HHIPL1: variants seen among roughly 807,000 people sequenced by gnomAD.
The protein encoded by HHIPL1 is HHIP-like protein 1.
HHIPL1 carries 43 observed loss-of-function variants against 61.8 expected under a neutral mutation model. That is an observed-to-expected ratio of 0.70 (90% CI 0.55 to 0.90). The LOEUF (loss-of-function observed/expected upper bound fraction) is 0.90. HHIPL1 is among the 40% of genes least tolerant of loss of function. The pLI is 0.00. For missense variants in HHIPL1, 1,056 were observed against 1,157.7 expected (o/e 0.91, Z 1.28); for synonymous variants, 482 against 515.8 (o/e 0.93, Z 0.89).
In HHIPL1 at chr14:99,659,636, G is replaced by T. The variant is rs771146786; in HGVS notation, c.1255G>T (p.Asp419Tyr). 7.7e-6 allele frequency: 12 copies of T among 1,553,136 alleles called. No homozygotes were observed. In the Admixed American group the frequency reaches 2.3e-4, roughly 29 times the overall value. ...GTGRGRLFCG[D>Y]VGQNKFEEVD... ...TGGCCGCGGGCGCCTCTTCTGCGGC[G>T]ACGTGGGCCAGAACAAGTTCGAGGA... Residue 419 changes from aspartate to tyrosine, a missense_variant, in exon 4 of 9, where the codon GAC (aspartate) becomes TAC (tyrosine). By Grantham distance (160) the Asp-to-Tyr change is radical. Coordinates refer to ENST00000330710, the MANE Select transcript of HHIPL1 (RefSeq NM_001127258.3).
chr14:99,610,653 C>T, the HHIPL1 span, among the ~76,000 whole-genome samples: 2 of 152,056 alleles, frequency 1.3e-5, no homozygotes, highest in African/African-American at 2.4e-5. Context: ...CCTAGCTATT[C>T]AGGAGGCTGA....
At chr14:99,614,344 A>G in the HHIPL1 span, among the ~76,000 whole-genome samples, 1 of 152,008 alleles carries the variant, frequency 6.6e-6, no homozygotes, top group East Asian at 1.9e-4. Flanking sequence ...CTCAGCCCCA[A>G]CACCAGGCCA....
At chr14:99,672,199 T>A in intron 7 of HHIPL1, 118 bp from the exon 8 acceptor site, 1 of 733,536 alleles carries the variant, frequency 1.4e-6, no homozygotes. Context: ...AGTAGGTGCA[T>A]GGTGAATGGC....
chr14:99,648,784 G>T (rs2055880611), intron 1 of HHIPL1, among the ~76,000 whole-genome samples: 1 of 152,188 alleles, frequency 6.6e-6, no homozygotes, highest in Non-Finnish European at 1.5e-5. Context: ...GCCAGATGAG[G>T]AAGTAGGTGA....
the HHIPL1 span, among the ~76,000 whole-genome samples, chr14:99,628,919 G>A: frequency 7.2e-5 from 11 of 152,212 alleles, no homozygotes; most frequent in Admixed American, 1.3e-4. Flanking sequence ...GAGATGCCAA[G>A]TCCAAGCCTA....
chr14:99,680,098 T>C lies in HHIPL1; in HGVS notation c.*4472T>C, dbSNP rs1473516571. On this transcript the variant is annotated 3_prime_UTR_variant, in exon 9 of 9. Transcript: ENST00000330710. The stretch of plus-strand genomic sequence containing the variant: ...ATGAGGGGACAGATTCCTAGGGTGT[T>C]ATGTAAGTGGTCCCCGGGGCTTTAG... 6.6e-6 allele frequency: 1 copy of C among 152,166 alleles called. No homozygotes were observed. Among genetic ancestry groups the C allele is most frequent in the Admixed American group, 6.6e-5 (1 of 15,264 alleles). 9.4% of individuals were successfully genotyped at this position (152,166 alleles called of 1,614,324 possible).
chr14:99,646,787 A>G lies in HHIPL1; in HGVS notation c.255+1325A>G, dbSNP rs373779975. Among the ~76,000 whole-genome samples the G allele has an allele frequency of 1.4e-3, 194 of 134,328 alleles. 1 individual carries two copies. Among genetic ancestry groups the G allele is most frequent in the African/African-American group, 5.2e-3 (185 of 35,308 alleles). 88.1% of individuals were successfully genotyped at this position (134,328 alleles called of 152,430 possible). A position where few individuals can be genotyped will look rare whatever the true frequency, so the allele number is the denominator to read the frequency against. On this transcript the variant is annotated intron_variant, in intron 1 of 8. Coordinates refer to ENST00000330710, the MANE Select transcript of HHIPL1 (RefSeq NM_001127258.3). ...AGACTCCGTCTCAAAAATATAATATAATATAATATGATATGATATGATATG... is the reference window on the plus strand; with the variant it reads ...AGACTCCGTCTCAAAAATATAATATGATATAATATGATATGATATGATATG...
the HHIPL1 span, among the ~76,000 whole-genome samples, chr14:99,610,156 G>A: frequency 6.6e-6 from 1 of 152,216 alleles, no homozygotes; most frequent in African/African-American, 2.4e-5. Flanking sequence ...ATCGCCTGAT[G>A]GAACAAGACA....
intron 1 of HHIPL1, among the ~76,000 whole-genome samples, chr14:99,651,274 CACAAA>C (rs142413620): frequency 2.0e-5 from 3 of 151,660 alleles, no homozygotes; most frequent in African/African-American, 7.3e-5. Flanking sequence ...AACGGACAAA[CACAAA>C]ACAAAACAAA....
chr14:99,660,555 C>A lies in HHIPL1; in HGVS notation c.1502+149C>A. 1 of 884,466 alleles carries A rather than the reference C, an allele frequency of 1.1e-6. No homozygotes were observed. The highest frequency in any genetic ancestry group is 1.7e-6 in the Non-Finnish European group (1 of 571,680). 54.8% of individuals were successfully genotyped at this position (884,466 alleles called of 1,614,324 possible). ...GGCCCCTAGGTGTGGGCCGGACACC[C>A]GCATCCACCCGCTTTTCTCCTGAGA... On this transcript the variant is annotated intron_variant, in intron 5 of 8. Coordinates refer to ENST00000330710, the MANE Select transcript of HHIPL1 (RefSeq NM_001127258.3). The surrounding 1 kb of genome is among the most constrained non-coding windows in gnomAD (Gnocchi z 4.9).
At chr14:99,616,052 A>G in the HHIPL1 span, among the ~76,000 whole-genome samples, 1 of 152,268 alleles carries the variant, frequency 6.6e-6, no homozygotes, top group African/African-American at 2.4e-5. Flanking sequence ...ATGTTTATAT[A>G]GAGTCACGTG....
In HHIPL1 at chr14:99,660,536, T is replaced by G; in HGVS notation, c.1502+130T>G. ...GCCTCGCTGCTCTGACAGGGGCCCC[T>G]AGGTGTGGGCCGGACACCCGCATCC... On this transcript the variant is annotated intron_variant, in intron 5 of 8. Transcript: ENST00000330710. This position sits in a 1 kb window ranked among gnomAD's most constrained non-coding sequence, Gnocchi z 4.9. The G allele has an allele frequency of 1.7e-5, 19 of 1,139,570 alleles. No individual in the cohort carries two copies. The highest frequency in any genetic ancestry group is 2.5e-5 in the East Asian group (1 of 40,566). 70.6% of individuals were successfully genotyped at this position (1,139,570 alleles called of 1,614,324 possible).
chr14:99,626,013 A>C, the HHIPL1 span, among the ~76,000 whole-genome samples: 1,740 of 152,294 alleles, frequency 0.011, 40 homozygotes, highest in African/African-American at 0.04. Context: ...CATCCACACT[A>C]GATGAATGCC....
At chr14:99,664,632 C>G (rs555565117) in intron 6 of HHIPL1, among the ~76,000 whole-genome samples, 1 of 152,326 alleles carries the variant, frequency 6.6e-6, no homozygotes, top group South Asian at 2.1e-4. Context: ...GCTCCCACTT[C>G]TGCTTCTCTA....
chr14:99,668,879 TG>T lies in HHIPL1; in HGVS notation c.1730+577del. On this transcript the variant is annotated intron_variant, in intron 7 of 8. Coordinates refer to ENST00000330710, the MANE Select transcript of HHIPL1 (RefSeq NM_001127258.3). This position sits in a 1 kb window ranked among gnomAD's most constrained non-coding sequence, Gnocchi z 4.7. ...CCCGGCTATGTCCCAGCTCCTTCCG[TG>T]TGCAGCTCATTGACGTCTCAGCCGT... The T allele has an allele frequency of 1.2e-6, 2 of 1,613,756 alleles. No individual in the cohort carries two copies. Among genetic ancestry groups the T allele is most frequent in the Non-Finnish European group, 1.7e-6 (2 of 1,179,698 alleles).
chr14:99,646,862 G>A (rs4900439), intron 1 of HHIPL1, among the ~76,000 whole-genome samples: 45,884 of 137,164 alleles, frequency 0.33, 8,567 homozygotes, highest in South Asian at 0.5. Context: ...AATATAATAT[G>A]ATATAATATG....
intron 4 of HHIPL1, 75 bp downstream of exon 4, chr14:99,659,831 T>C (rs1423383836): frequency 3.2e-4 from 118 of 372,784 alleles, no homozygotes; most frequent in South Asian, 1.6e-3. Context: ...CCGCAGGGCC[T>C]CCCTCGGAGA....
At chr14:99,622,012 G>A in the HHIPL1 span, among the ~76,000 whole-genome samples, 2 of 152,264 alleles carry the variant, frequency 1.3e-5, no homozygotes, top group South Asian at 4.1e-4. Flanking sequence ...ACCGCGCCTG[G>A]CCAAAGATTC....
At chr14:99,618,402 C>T in the HHIPL1 span, among the ~76,000 whole-genome samples, 2 of 152,242 alleles carry the variant, frequency 1.3e-5, no homozygotes, top group Admixed American at 1.3e-4. Context: ...TACTGAGCCC[C>T]ATTAGGAGGG....
Sources: allele counts gnomAD v4.1 joint callset (sites outside exome capture counted in the v4.1 genomes callset), GRCh38; gene constraint gnomAD v4.1.1; non-coding constraint Gnocchi (gnomAD v3.1); transcripts MANE v1.5; gene names NCBI Gene and HGNC (gene_info 2026-07-23, HGNC 2026-07-21).